Variants in RPAIN observed in about 807,000 individuals in gnomAD.
RPAIN encodes RPA-interacting protein.
A neutral mutation model predicts 30.5 loss-of-function variants in RPAIN; 29 were observed. That is an observed-to-expected ratio of 0.95 (90% CI 0.71 to 1.30). RPAIN has a LOEUF of 1.30. RPAIN is among the 50% of genes most tolerant of loss of function. RPAIN has a pLI of 0.00. For missense variants in RPAIN, 247 were observed against 264.7 expected, an observed-to-expected ratio of 0.93 and a Z score of 0.46; for synonymous variants, 101 against 93.5, an observed-to-expected ratio of 1.08 and a Z score of -0.46.
intron 1 of RPAIN, 25 bp from the exon 2 acceptor site, chr17:5,421,271 C>T (rs751356722): frequency 2.0e-4 from 318 of 1,567,974 alleles, no homozygotes; most frequent in Non-Finnish European, 2.4e-4. Flanking sequence ...TTTTTTTCCC[C>T]CCCAATCTTG....
Position 5,432,719 on chromosome 17 carries a change from G to C in RPAIN, c.*148G>C. ...AGAAAAAAAAACTTTTCCGACATCTGTTCTTGGTCTTTTGTGACGCAGGTT... is the reference window on the plus strand; with the variant it reads ...AGAAAAAAAAACTTTTCCGACATCTCTTCTTGGTCTTTTGTGACGCAGGTT... On this transcript the variant is annotated 3_prime_UTR_variant, in exon 7 of 7. Coordinates refer to ENST00000381209, the MANE Select transcript of RPAIN (RefSeq NM_001033002.4). 2 of 876,886 alleles carry C rather than the reference G, an allele frequency of 2.3e-6. No homozygotes were observed. The highest frequency in any genetic ancestry group is 1.7e-6 in the Non-Finnish European group (1 of 577,262). 54.3% of individuals were successfully genotyped at this position (876,886 alleles called of 1,614,324 possible). A position where few individuals can be genotyped will look rare whatever the true frequency, so the allele number is the denominator to read the frequency against.
chr17:5,420,794 G>T (rs1047899201), intron 1 of RPAIN, among the ~76,000 whole-genome samples: 1 of 152,174 alleles, frequency 6.6e-6, no homozygotes, highest in African/African-American at 2.4e-5. Flanking sequence ...TTTTGAGGGA[G>T]ATATTTATAT....
intron 3 of RPAIN, among the ~76,000 whole-genome samples, chr17:5,424,278 C>A (rs1456706696): frequency 6.6e-6 from 1 of 152,090 alleles, no homozygotes; most frequent in African/African-American, 2.4e-5. Flanking sequence ...CAGGCATGAG[C>A]CAAAATGCCT....
At position 5,422,833 on chromosome 17, in the gene RPAIN, AC is replaced by A. The variant is rs1567585096; in HGVS notation, c.313+8del. ...CAACAGGAGCTGATCAACCAAGGTA[AC>A]CCCTAGTGGTAGTCCTTCCTTACCT... is the stretch of plus-strand genomic sequence containing the variant. On this transcript the variant is annotated splice_donor_5th_base_variant and intron_variant, in intron 3 of 6. Coordinates refer to ENST00000381209, the MANE Select transcript of RPAIN (RefSeq NM_001033002.4). 6.2e-7 allele frequency: 1 copy of A among 1,603,538 alleles called. No individual in the cohort carries two copies. Among genetic ancestry groups the A allele is most frequent in the African/African-American group, 1.3e-5 (1 of 74,748 alleles).
At chr17:5,431,659 A>G (rs139836588) in intron 6 of RPAIN, 1 of 456,330 alleles carries the variant, frequency 2.2e-6, no homozygotes, top group East Asian at 7.0e-5. Flanking sequence ...GGACGTAGGG[A>G]CGCTCAGGAC....
intron 3 of RPAIN, among the ~76,000 whole-genome samples, chr17:5,423,769 G>T (rs1202556978): frequency 6.6e-6 from 1 of 151,338 alleles, no homozygotes; most frequent in Admixed American, 6.6e-5. Context: ...TTTTGTTTTT[G>T]TTTTTTTTGA....
chr17:5,424,252 T>C (rs34856659), intron 3 of RPAIN, among the ~76,000 whole-genome samples: 42,115 of 151,758 alleles, frequency 0.28, 7,000 homozygotes, highest in East Asian at 0.82. Flanking sequence ...CTCAGCCTCC[T>C]AAAGTTTTGA....
At chr17:5,428,575 C>T (rs2151669399) in intron 6 of RPAIN, 1 of 1,136,490 alleles carries the variant, frequency 8.8e-7, no homozygotes, top group Non-Finnish European at 1.1e-6. Context: ...AGGGCAGAAG[C>T]ATAGCAGGGC....
chr17:5,432,134 G>A (rs1487522673), intron 6 of RPAIN: 5 of 229,496 alleles, frequency 2.2e-5, no homozygotes, highest in Non-Finnish European at 4.3e-5. Flanking sequence ...TGCATGGTTT[G>A]CACCTCCCCT....
At chr17:5,432,478 T>C (rs1347693322) in intron 6 of RPAIN, 64 bp from the exon 7 acceptor site, 2 of 1,456,644 alleles carry the variant, frequency 1.4e-6, no homozygotes, top group African/African-American at 2.8e-5. Flanking sequence ...GATTACAACT[T>C]TTATCAGATA....
rs375557536 is a variant in RPAIN, at chr17:5,422,751, C to T, written c.253-18C>T. ...GATTAATACTTCAAACTTCTGATGC[C>T]GCTCCTTTCTCTTCCAGCTGGAGGA... On this transcript the variant is annotated intron_variant, in intron 2 of 6. Transcript: ENST00000381209. The T allele has an allele frequency of 1.4e-4, 221 of 1,611,274 alleles. No individual in the cohort carries two copies. Among genetic ancestry groups the T allele is most frequent in the Middle Eastern group, 3.4e-4 (2 of 5,882 alleles).
At chr17:5,428,584 G>A (rs1038931110) in intron 6 of RPAIN, 3 of 1,063,380 alleles carry the variant, frequency 2.8e-6, no homozygotes, top group Non-Finnish European at 3.6e-6. Context: ...GCATAGCAGG[G>A]CAGCATTAGG....
At chr17:5,423,148 T>C (rs1915039596) in intron 3 of RPAIN, 2 of 203,830 alleles carry the variant, frequency 9.8e-6, no homozygotes, top group South Asian at 1.4e-4. Context: ...GTGGAGGAGA[T>C]GGGAAGCAAA....
chr17:5,431,733 CGAG>C, intron 6 of RPAIN: 1 of 436,614 alleles, frequency 2.3e-6, no homozygotes. Flanking sequence ...TATCACAAGA[CGAG>C]GAATGTTTCG....
intron 3 of RPAIN, among the ~76,000 whole-genome samples, chr17:5,424,097 C>G (rs1409991969): frequency 6.6e-6 from 1 of 151,428 alleles, no homozygotes; most frequent in Admixed American, 6.6e-5. Flanking sequence ...AACCAATCCT[C>G]TCATCTCAGC....
Position 5,431,339 on chromosome 17 carries a change from T to A in RPAIN, c.631-1203T>A, listed in dbSNP as rs1448684465. 4 of 400,104 alleles carry A rather than the reference T, an allele frequency of 1.0e-5. No homozygotes were observed. The East Asian group carries it at 2.9e-4, about 29-fold the overall frequency. The allele number at this position is 400,104 out of a possible 1,614,324, so 24.8% of individuals were successfully genotyped here. On this transcript the variant is annotated intron_variant, in intron 6 of 6. Coordinates refer to ENST00000381209, the MANE Select transcript of RPAIN (RefSeq NM_001033002.4). ...CTGTCTCTACTAAAAATACAGAAAT[T>A]AGCTGGGTGTGGTGGCTCGCACCTG...
At chr17:5,426,634 C>A in intron 5 of RPAIN, 1 of 197,100 alleles carries the variant, frequency 5.1e-6, no homozygotes, top group Non-Finnish European at 1.0e-5. Flanking sequence ...ATTTAAGCTT[C>A]AGTAATTTTT....
intron 1 of RPAIN, among the ~76,000 whole-genome samples, chr17:5,420,916 C>T (rs4442872): frequency 0.3 from 45,336 of 152,074 alleles, 7,987 homozygotes; most frequent in East Asian, 0.82. Context: ...CCAAATGTTC[C>T]TTGGGGGACA....
rs760113626 is a variant in RPAIN, at chr17:5,421,345, A to G, written c.131A>G (p.Tyr44Cys). 10 of 1,613,992 alleles carry G rather than the reference A, an allele frequency of 6.2e-6. No homozygotes were observed. The highest frequency in any genetic ancestry group is 8.5e-6 in the Non-Finnish European group (10 of 1,179,998). The change falls in exon 2 of 7, where the codon TAC becomes TGC. Residue 44 changes from tyrosine to cysteine, a missense_variant. Physicochemically the swap from Tyr to Cys is radical, Grantham distance 194. Transcript: ENST00000381209. The stretch of plus-strand genomic sequence containing the variant: ...AGCCGGGACAGGCTCCTAAACAGGT[A>G]CCGCCAGGCTGGAAGCAGTGGGCCA... ...RNSRDRLLNR[Y>C]RQAGSSGPGN...
Sources: allele counts gnomAD v4.1 joint callset (sites outside exome capture counted in the v4.1 genomes callset), GRCh38; gene constraint gnomAD v4.1.1; transcripts MANE v1.5; gene names NCBI Gene and HGNC (gene_info 2026-07-23, HGNC 2026-07-21).